IL1RAPL1: variants seen among roughly 807,000 people sequenced by gnomAD.
IL1RAPL1 encodes the protein interleukin-1 receptor accessory protein-like 1.
A neutral mutation model predicts 48.4 loss-of-function variants in IL1RAPL1; 3 were observed. That is an observed-to-expected ratio of 0.06 (90% CI 0.03 to 0.16). IL1RAPL1 has a LOEUF of 0.16. IL1RAPL1 is among the 10% of genes least tolerant of loss of function. IL1RAPL1 has a pLI of 1.00. For missense variants in IL1RAPL1, 349 were observed against 530.6 expected, an observed-to-expected ratio of 0.66 and a Z score of 3.36; for synonymous variants, 185 against 187.7, an observed-to-expected ratio of 0.99 and a Z score of 0.12.
At position 29,705,939 on chromosome X, in the gene IL1RAPL1, C is replaced by A. The variant is rs1483787174; in HGVS notation, c.778+37435C>A. On this transcript the variant is annotated intron_variant, in intron 6 of 10. Transcript: ENST00000378993. ...GCTGCTGACAAAGACGTACCCTAAA[C>A]TGGACAATTTACAAAAGCAAAAGAT... 4.4e-5 allele frequency among the ~76,000 whole-genome samples: 5 copies of A among 112,499 alleles called. No individual in the cohort carries two copies. The East Asian group carries it at 1.4e-3, about 31-fold the overall frequency.
chrX:29,081,018 CTCTTTCTTTTCTTTTCTTT>C (rs1218001017), intron 2 of IL1RAPL1, among the ~76,000 whole-genome samples: 4 of 54,353 alleles, frequency 7.4e-5, no homozygotes, highest in African/African-American at 2.0e-4. Context: ...CTCTCTCTCT[CTCTTTCTTTTCTTTTCTTT>C]TCTTTTCTTT....
intron 2 of IL1RAPL1, among the ~76,000 whole-genome samples, chrX:29,188,879 G>A (rs181834721): frequency 6.7e-4 from 74 of 111,191 alleles, no homozygotes; most frequent in African/African-American, 2.3e-3. Context: ...CACCACGCCC[G>A]CCCACTATTT....
chrX:28,859,009 T>C (rs763771321), intron 2 of IL1RAPL1, among the ~76,000 whole-genome samples: 1 of 112,268 alleles, frequency 8.9e-6, no homozygotes, highest in Admixed American at 9.5e-5. Context: ...GGATCACCTA[T>C]TTCTTAAAAT....
intron 2 of IL1RAPL1, among the ~76,000 whole-genome samples, chrX:29,237,633 A>G (rs1247492202): frequency 1.8e-5 from 2 of 112,688 alleles, no homozygotes; most frequent in African/African-American, 6.5e-5. Flanking sequence ...GAATACTACT[A>G]CTTTGCTTAG....
chrX:29,473,779 T>C (rs1016429485), intron 5 of IL1RAPL1, among the ~76,000 whole-genome samples: 3 of 111,110 alleles, frequency 2.7e-5, no homozygotes, highest in African/African-American at 9.8e-5. Context: ...TAATTGTACA[T>C]CCATTACATG....
At chrX:28,653,306 C>G (rs1934707802) in intron 1 of IL1RAPL1, among the ~76,000 whole-genome samples, 1 of 110,683 alleles carries the variant, frequency 9.0e-6, no homozygotes, top group Non-Finnish European at 1.9e-5. Flanking sequence ...GAAACCCTGT[C>G]TCTACTAAAA....
intron 2 of IL1RAPL1, among the ~76,000 whole-genome samples, chrX:29,181,900 A>G (rs1930150787): frequency 8.9e-6 from 1 of 111,777 alleles, no homozygotes; most frequent in South Asian, 3.7e-4. Flanking sequence ...TCATTGAAAT[A>G]TTGTCATTTA....
chrX:29,655,032 G>T (rs1402195896), intron 5 of IL1RAPL1, among the ~76,000 whole-genome samples: 2 of 110,949 alleles, frequency 1.8e-5, no homozygotes, highest in African/African-American at 6.5e-5. Flanking sequence ...CCTTTTTTCA[G>T]TCCACTATCA....
intron 6 of IL1RAPL1, among the ~76,000 whole-genome samples, chrX:29,889,845 T>G (rs762636851): frequency 9.0e-6 from 1 of 110,511 alleles, no homozygotes; most frequent in African/African-American, 3.3e-5. Context: ...CTCTTCATCA[T>G]CTATCCTTTT....
At chrX:29,635,985 A>C (rs1264718320) in intron 5 of IL1RAPL1, among the ~76,000 whole-genome samples, 1 of 111,130 alleles carries the variant, frequency 9.0e-6, no homozygotes. Context: ...GGTTAAGGAG[A>C]GCTTTCTTAG....
At chrX:28,593,150 T>C (rs185388952) in intron 1 of IL1RAPL1, among the ~76,000 whole-genome samples, 267 of 111,797 alleles carry the variant, frequency 2.4e-3, no homozygotes, top group African/African-American at 8.3e-3. Context: ...AGTATGCTTA[T>C]CCTGACCATT....
intron 5 of IL1RAPL1, among the ~76,000 whole-genome samples, chrX:29,654,980 T>G (rs1925633215): frequency 8.9e-6 from 1 of 111,747 alleles, no homozygotes; most frequent in Non-Finnish European, 1.9e-5. Context: ...AAAATTCACT[T>G]TCTTTTTGGT....
intron 2 of IL1RAPL1, among the ~76,000 whole-genome samples, chrX:28,897,414 A>G: frequency 8.9e-6 from 1 of 111,761 alleles, no homozygotes; most frequent in South Asian, 3.8e-4. Context: ...CCACGGATAA[A>G]ACGCGTCTCC....
chrX:29,509,797 G>A (rs951226312), intron 5 of IL1RAPL1, among the ~76,000 whole-genome samples: 4 of 111,855 alleles, frequency 3.6e-5, no homozygotes, highest in Non-Finnish European at 5.6e-5. Flanking sequence ...ATTGACCAGC[G>A]TTTTCATTAA....
chrX:28,645,595 C>T (rs1270751368), intron 1 of IL1RAPL1, among the ~76,000 whole-genome samples: 1 of 110,160 alleles, frequency 9.1e-6, no homozygotes, highest in African/African-American at 3.3e-5. Flanking sequence ...AATGAAAATA[C>T]TGCTTTGGGA....
At chrX:29,307,938 A>G (rs2147616356) in intron 3 of IL1RAPL1, among the ~76,000 whole-genome samples, 1 of 112,494 alleles carries the variant, frequency 8.9e-6, no homozygotes, top group East Asian at 2.8e-4. Flanking sequence ...AAATCTTTAG[A>G]AAGAAAATTA....
intron 2 of IL1RAPL1, among the ~76,000 whole-genome samples, chrX:28,868,533 C>T (rs1922133441): frequency 9.0e-6 from 1 of 110,978 alleles, no homozygotes. Context: ...CTCAAGCCTT[C>T]AACATGGTAC....
chrX:29,713,865 C>A (rs1927416363), intron 6 of IL1RAPL1, among the ~76,000 whole-genome samples: 1 of 111,753 alleles, frequency 8.9e-6, no homozygotes, highest in African/African-American at 3.3e-5. Context: ...ACATTTGAAA[C>A]AAATTTATTG....
Position 29,508,055 on chromosome X carries a change from T to C in IL1RAPL1, c.703+108747T>C, listed in dbSNP as rs189328566. On this transcript the variant is annotated intron_variant, in intron 5 of 10. Transcript: ENST00000378993. ...TTTTCCCACATGACAGATAACAATT[T>C]TGGTGGCAAATCTTCATTGTGAAAT... is the stretch of plus-strand genomic sequence containing the variant. Among the ~76,000 whole-genome samples the C allele has an allele frequency of 2.8e-3, 311 of 111,625 alleles. 2 individuals are homozygous for C. Among genetic ancestry groups the C allele is most frequent in the Non-Finnish European group, 4.2e-3 (221 of 53,079 alleles).
Sources: allele counts gnomAD v4.1 joint callset (sites outside exome capture counted in the v4.1 genomes callset), GRCh38; gene constraint gnomAD v4.1.1; transcripts MANE v1.5; gene names NCBI Gene and HGNC (gene_info 2026-07-23, HGNC 2026-07-21).